The following TBCA variants were observed in gnomAD, a reference collection of about 807,000 sequenced individuals.
The protein encoded by TBCA is tubulin-specific chaperone A.
A neutral mutation model predicts 15.8 loss-of-function variants in TBCA; 6 were observed. The ratio of observed to expected loss-of-function variants is 0.38; its 90% CI spans 0.21 to 0.75. TBCA has a LOEUF of 0.75. Ranked by LOEUF, TBCA falls within the 30% of genes least tolerant of loss-of-function variation. The pLI, the probability that TBCA is intolerant of heterozygous loss-of-function variation, is 0.46. For synonymous variants in TBCA, 32 were observed against 42.3 expected, an observed-to-expected ratio of 0.76 and a Z score of 0.94; for missense variants, 90 against 131.2, an observed-to-expected ratio of 0.69 and a Z score of 1.53.
At chr5:77,756,096 T>C (rs976099432) in intron 1 of TBCA, among the ~76,000 whole-genome samples, 3 of 152,316 alleles carry the variant, frequency 2.0e-5, no homozygotes, top group Middle Eastern at 3.4e-3. Flanking sequence ...ATGATTTGTT[T>C]GTCACATTTT....
At chr5:77,743,581 G>C (rs1747099137) in intron 1 of TBCA, among the ~76,000 whole-genome samples, 1 of 152,164 alleles carries the variant, frequency 6.6e-6, no homozygotes. Context: ...CTGCCGTCAG[G>C]GGAATCCCAT....
chr5:77,745,943 A>G (rs1307891218), intron 1 of TBCA, among the ~76,000 whole-genome samples: 3 of 152,226 alleles, frequency 2.0e-5, no homozygotes, highest in African/African-American at 7.2e-5. Flanking sequence ...TAAAAGTGTA[A>G]GAAAGATGAG....
intron 1 of TBCA, among the ~76,000 whole-genome samples, chr5:77,717,890 G>A (rs1057287722): frequency 8.6e-5 from 13 of 151,982 alleles, no homozygotes; most frequent in African/African-American, 2.9e-4. Flanking sequence ...AGCACTTTGG[G>A]AGGCTGAGGC....
At chr5:77,692,710 G>A in intron 3 of TBCA, 1 of 989,396 alleles carries the variant, frequency 1.0e-6, no homozygotes, top group Non-Finnish European at 1.2e-6. Flanking sequence ...TATTTTAACA[G>A]TTATTATTTC....
intron 1 of TBCA, among the ~76,000 whole-genome samples, chr5:77,742,960 G>A (rs1437648008): frequency 6.6e-6 from 1 of 152,210 alleles, no homozygotes; most frequent in Non-Finnish European, 1.5e-5. Context: ...CTGGGGATTA[G>A]AAAAGATCTC....
At chr5:77,771,404 C>T (rs977765552) in intron 1 of TBCA, among the ~76,000 whole-genome samples, 1 of 152,200 alleles carries the variant, frequency 6.6e-6, no homozygotes, top group Admixed American at 6.5e-5. Context: ...TTCCTAGTAT[C>T]TAGACTCTTT....
intron 1 of TBCA, among the ~76,000 whole-genome samples, chr5:77,738,627 G>C (rs901455224): frequency 9.2e-5 from 14 of 152,212 alleles, no homozygotes; most frequent in African/African-American, 3.4e-4. Context: ...CTGTCACCCA[G>C]GCTGGAGTGT....
intron 1 of TBCA, among the ~76,000 whole-genome samples, chr5:77,740,177 C>T (rs186855493): frequency 9.9e-4 from 150 of 152,266 alleles, no homozygotes; most frequent in African/African-American, 3.3e-3. Flanking sequence ...TTGTTGAGTG[C>T]ACAGGAGAAG....
intron 1 of TBCA, among the ~76,000 whole-genome samples, chr5:77,711,335 A>G (rs546055644): frequency 6.6e-6 from 1 of 152,238 alleles, no homozygotes; most frequent in East Asian, 1.9e-4. Context: ...GGTCCTTTAC[A>G]AAAAAGGGTT....
intron 1 of TBCA, among the ~76,000 whole-genome samples, chr5:77,759,241 T>C (rs551382657): frequency 6.6e-6 from 1 of 152,106 alleles, no homozygotes; most frequent in Admixed American, 6.5e-5. Flanking sequence ...TTCTGATTGG[T>C]AATTGGTTGA....
intron 1 of TBCA, among the ~76,000 whole-genome samples, chr5:77,767,926 G>T (rs1157922985): frequency 2.6e-5 from 4 of 152,208 alleles, no homozygotes; most frequent in African/African-American, 9.7e-5. Flanking sequence ...GGGGCCTTTA[G>T]GTGATTAGGT....
intron 1 of TBCA, among the ~76,000 whole-genome samples, chr5:77,709,177 C>CA (rs1176904212): frequency 6.6e-6 from 1 of 152,004 alleles, no homozygotes; most frequent in Non-Finnish European, 1.5e-5. Context: ...AATTTTATGC[C>CA]AGACTTTCCT....
intron 1 of TBCA, among the ~76,000 whole-genome samples, chr5:77,716,760 C>G (rs1269431440): frequency 6.6e-6 from 1 of 152,194 alleles, no homozygotes; most frequent in African/African-American, 2.4e-5. Context: ...TGTTCAATTA[C>G]AGCAGGCATT....
At chr5:77,757,513 CAACAACAAAA>C (rs1268766228) in intron 1 of TBCA, among the ~76,000 whole-genome samples, 1 of 152,098 alleles carries the variant, frequency 6.6e-6, no homozygotes, top group Non-Finnish European at 1.5e-5. Context: ...ACAGCAACAA[CAACAACAAAA>C]AACAACTTTA....
At chr5:77,722,437 A>G (rs1456234119) in intron 1 of TBCA, among the ~76,000 whole-genome samples, 1 of 152,072 alleles carries the variant, frequency 6.6e-6, no homozygotes, top group Non-Finnish European at 1.5e-5. Flanking sequence ...GCAAAAGTAA[A>G]CGAAAGTAAC....
In TBCA at chr5:77,744,531, C is replaced by T. The variant is rs866043970; in HGVS notation, c.53+31674G>A. ...CCAGAAAACAGAATGTCTTATTCAC[C>T]TTTTTTTTTTTTTTTTTTTTTTTGA... is the stretch of plus-strand genomic sequence containing the variant. On this transcript the variant is annotated intron_variant, in intron 1 of 3. Coordinates refer to ENST00000380377, the MANE Select transcript of TBCA (RefSeq NM_004607.3). Among the ~76,000 whole-genome samples, 156 of 82,966 alleles carry T rather than the reference C, an allele frequency of 1.9e-3. 3 individuals are homozygous for T. The South Asian group carries it at 0.02, about 10-fold the overall frequency. The allele number at this position is 82,966 out of a possible 152,430, so 54.4% of individuals were successfully genotyped here.
intron 1 of TBCA, among the ~76,000 whole-genome samples, chr5:77,719,015 C>T (rs761923255): frequency 1.3e-5 from 2 of 152,114 alleles, no homozygotes; most frequent in African/African-American, 2.4e-5. Context: ...TTGTCTACTT[C>T]GACAATTAAA....
intron 1 of TBCA, among the ~76,000 whole-genome samples, chr5:77,746,155 G>A (rs565083176): frequency 1.5e-4 from 23 of 152,158 alleles, no homozygotes; most frequent in Admixed American, 1.2e-3. Context: ...AGGCCCGGCC[G>A]TGGTAGCTCA....
At chr5:77,747,788 C>T (rs564742093) in intron 1 of TBCA, among the ~76,000 whole-genome samples, 14 of 152,100 alleles carry the variant, frequency 9.2e-5, no homozygotes, top group Non-Finnish European at 2.1e-4. Context: ...AGTACAGATT[C>T]GTGTTTTTGT....
Sources: allele counts gnomAD v4.1 joint callset (sites outside exome capture counted in the v4.1 genomes callset), GRCh38; gene constraint gnomAD v4.1.1; transcripts MANE v1.5; gene names NCBI Gene and HGNC (gene_info 2026-07-23, HGNC 2026-07-21).